Variants in RER1 observed in about 807,000 individuals in gnomAD.
The protein encoded by RER1 is retention in endoplasmic reticulum sorting receptor 1, also known as protein RER1.
In RER1, 6 loss-of-function variants were observed where a neutral mutation model predicts 28.3. The ratio of observed to expected loss-of-function variants is 0.21; its 90% CI spans 0.12 to 0.42. RER1 has a LOEUF of 0.42. RER1 is among the 10% of genes least tolerant of loss of function. The pLI, the probability that RER1 is intolerant of heterozygous loss-of-function variation, is 1.00. For synonymous variants in RER1, 110 were observed against 95.9 expected, an observed-to-expected ratio of 1.15 and a Z score of -0.86; for missense variants, 159 against 252.9, an observed-to-expected ratio of 0.63 and a Z score of 2.52.
chr1:2,403,284 G>A lies in RER1; in HGVS notation c.*160G>A, dbSNP rs76184090. ...GTAACTGAAATATCAGGTTCTAGAA[G>A]AAACTGGCGCTTAAACCAAATCGCA... On this transcript the variant is annotated 3_prime_UTR_variant, in exon 7 of 7. Coordinates refer to ENST00000605895, the MANE Select transcript of RER1 (RefSeq NM_007033.5). 8.4e-3 allele frequency: 5,040 copies of A among 602,432 alleles called. 43 individuals are homozygous for A. Among genetic ancestry groups the A allele is most frequent in the South Asian group, 0.014 (716 of 51,628 alleles). The allele number at this position is 602,432 out of a possible 1,614,324, so 37.3% of individuals were successfully genotyped here.
At chr1:2,398,369 A>G (rs3001344) in intron 3 of RER1, among the ~76,000 whole-genome samples, 139,381 of 152,378 alleles carry the variant, frequency 0.91, 63,854 homozygotes, top group Non-Finnish European at 0.93. Context: ...TTGTTTGTAT[A>G]AGAAAGTTAA....
Sources: gnomAD v4.1 joint callset for allele counts (sites outside exome capture counted in the v4.1 genomes callset) on GRCh38, gnomAD v4.1.1 for gene constraint, MANE v1.5 for transcripts, NCBI Gene and HGNC (gene_info 2026-07-23, HGNC 2026-07-21) for gene names.